The following DTNA variants were observed in gnomAD, a reference collection of about 807,000 sequenced individuals.
DTNA encodes the protein dystrophin-related protein 3.
A neutral mutation model predicts 100.7 loss-of-function variants in DTNA; 43 were observed. That is an observed-to-expected ratio of 0.43 (90% CI 0.33 to 0.55). The LOEUF is 0.55. Ranked by LOEUF, DTNA falls within the 20% of genes least tolerant of loss-of-function variation. DTNA has a pLI of 0.04. For missense variants in DTNA, 798 were observed against 953.9 expected (o/e 0.84, Z 2.15); for synonymous variants, 349 against 347.9 (o/e 1.00, Z -0.04).
intron 1 of DTNA, among the ~76,000 whole-genome samples, chr18:34,740,873 T>C (rs146832548): frequency 1.9e-3 from 285 of 152,126 alleles, no homozygotes; most frequent in African/African-American, 6.4e-3. Context: ...ATTTTGTTCA[T>C]GTGCCACAGT....
At chr18:34,613,052 A>G (rs1298624096) in intron 1 of DTNA, among the ~76,000 whole-genome samples, 1 of 152,108 alleles carries the variant, frequency 6.6e-6, no homozygotes, top group African/African-American at 2.4e-5. Flanking sequence ...TTCCAACAAC[A>G]TGTGCTCACT....
intron 21 of DTNA, among the ~76,000 whole-genome samples, chr18:34,883,911 T>G (rs2096897749): frequency 6.6e-6 from 1 of 152,140 alleles, no homozygotes; most frequent in Non-Finnish European, 1.5e-5. Context: ...AAGAAAAACA[T>G]AAGTGACTCT....
intron 1 of DTNA, among the ~76,000 whole-genome samples, chr18:34,744,195 C>T (rs1328641298): frequency 6.6e-6 from 1 of 152,144 alleles, no homozygotes; most frequent in East Asian, 1.9e-4. Context: ...ATCTCAATGA[C>T]ACATAGTAAA....
intron 15 of DTNA, among the ~76,000 whole-genome samples, chr18:34,854,492 G>A (rs62097230): frequency 6.6e-6 from 1 of 152,160 alleles, no homozygotes. Flanking sequence ...AACAGAAAGA[G>A]CTAAAGAAGA....
intron 22 of DTNA, 118 bp from the exon 23 acceptor site, chr18:34,887,648 T>G: frequency 1.5e-6 from 1 of 687,396 alleles, no homozygotes; most frequent in Non-Finnish European, 1.8e-6. Context: ...TGCATGTGTG[T>G]GTGTGTGTGC....
At chr18:34,709,969 G>A (rs1449253357), upstream of DTNA, among the ~76,000 whole-genome samples, 2 of 152,216 alleles carry the variant, frequency 1.3e-5, no homozygotes, top group African/African-American at 4.8e-5. Flanking sequence ...AAAATATTTA[G>A]TTGGCTGATG....
intron 1 of DTNA, among the ~76,000 whole-genome samples, chr18:34,514,931 A>G (rs1000234567): frequency 2.0e-5 from 3 of 151,974 alleles, no homozygotes; most frequent in Non-Finnish European, 2.9e-5. Context: ...CCATAGCAAG[A>G]TGTGTGTTTT....
chr18:34,722,606 T>TACACACACACACACACACACACACAC (rs71166022), intron 1 of DTNA, among the ~76,000 whole-genome samples: 3 of 147,130 alleles, frequency 2.0e-5, no homozygotes, highest in Non-Finnish European at 4.5e-5. Flanking sequence ...TATATATACA[T>TACACACACACACACACACACACACAC]ACACACACAC....
chr18:34,670,223 A>G (rs1194888368), intron 1 of DTNA, among the ~76,000 whole-genome samples: 1 of 152,190 alleles, frequency 6.6e-6, no homozygotes, highest in African/African-American at 2.4e-5. Flanking sequence ...TTGGCTACTG[A>G]AGCTTGTGCA....
At chr18:34,692,021 C>T (rs551425957) in intron 1 of DTNA, among the ~76,000 whole-genome samples, 21 of 152,328 alleles carry the variant, frequency 1.4e-4, no homozygotes, top group African/African-American at 4.3e-4. Context: ...TTATCAATCA[C>T]AGCACCATAT....
chr18:34,511,226 G>T (rs1260570394), intron 1 of DTNA, among the ~76,000 whole-genome samples: 2 of 152,042 alleles, frequency 1.3e-5, no homozygotes, highest in African/African-American at 4.8e-5. Flanking sequence ...CTTGAACCTG[G>T]AGTCAGACTA....
rs1262521940 is a variant in DTNA at position 34,875,221 on chromosome 18, C to T, written c.1744-18C>T. 2 of 1,612,190 alleles carry T rather than the reference C, an allele frequency of 1.2e-6. No homozygotes were observed. Among genetic ancestry groups the T allele is most frequent in the Non-Finnish European group, 1.7e-6 (2 of 1,178,802 alleles). ...TTTTCTTGGGAAAGCAAATTAATGA[C>T]CTGCATTGTCTCTCCAGACTCAGGG... is the stretch of plus-strand genomic sequence containing the variant. On this transcript the variant is annotated intron_variant, in intron 17 of 22. Transcript: ENST00000444659.
chr18:34,882,216 G>C lies in DTNA; in HGVS notation c.2295+15G>C. 1 of 1,613,312 alleles carries C rather than the reference G, an allele frequency of 6.2e-7. No homozygotes were observed. The highest frequency in any genetic ancestry group is 8.5e-7 in the Non-Finnish European group (1 of 1,179,652). Reference sequence around the variant, plus strand: ...AAGCTTATCAGGTACAGGGATCCAGGCCCACCCCACCCCACCTCTTCTGCC... The same window carrying C: ...AAGCTTATCAGGTACAGGGATCCAGCCCCACCCCACCCCACCTCTTCTGCC... On this transcript the variant is annotated intron_variant, in intron 21 of 22. Coordinates refer to ENST00000444659, the MANE Select transcript of DTNA (RefSeq NM_001386795.1).
chr18:34,653,398 A>T (rs1333334689), intron 1 of DTNA, among the ~76,000 whole-genome samples: 3 of 152,092 alleles, frequency 2.0e-5, no homozygotes, highest in African/African-American at 7.2e-5. Context: ...ATTCATAGTG[A>T]CTACTAGAAT....
At chr18:34,618,891 G>A (rs114053514) in intron 1 of DTNA, among the ~76,000 whole-genome samples, 1,659 of 152,204 alleles carry the variant, frequency 0.011, 12 homozygotes, top group Middle Eastern at 0.037. Context: ...GGAGCTCAAA[G>A]AGTGTAGGGG....
intron 1 of DTNA, among the ~76,000 whole-genome samples, chr18:34,503,079 T>C (rs1555785227): frequency 6.6e-6 from 1 of 152,178 alleles, no homozygotes; most frequent in Non-Finnish European, 1.5e-5. Flanking sequence ...TTCTGTTATA[T>C]TGACTTTATT....
intron 1 of DTNA, among the ~76,000 whole-genome samples, chr18:34,733,591 AC>A (rs1368635949): frequency 6.6e-6 from 1 of 152,184 alleles, no homozygotes; most frequent in African/African-American, 2.4e-5. Context: ...TGCGGTTACC[AC>A]CATTAGATCT....
chr18:34,650,700 G>A (rs370852185), intron 1 of DTNA, among the ~76,000 whole-genome samples: 2 of 152,108 alleles, frequency 1.3e-5, no homozygotes, highest in Admixed American at 6.6e-5. Flanking sequence ...TGGATGTTCT[G>A]TCCTAATATT....
chr18:34,873,982 A>T lies in DTNA; in HGVS notation c.1744-1257A>T, dbSNP rs537933418. Reference sequence around the variant, plus strand: ...GGACCCTCAGCCCATTGGGCACCCCATGGGTTATTTTCTGTGCTCTGTTCT... The same window carrying T: ...GGACCCTCAGCCCATTGGGCACCCCTTGGGTTATTTTCTGTGCTCTGTTCT... On this transcript the variant is annotated intron_variant, in intron 17 of 22. Transcript: ENST00000444659. Among the ~76,000 whole-genome samples the T allele has an allele frequency of 1.5e-4, 23 of 152,262 alleles. No homozygotes were observed. The South Asian group carries it at 4.8e-3, about 32-fold the overall frequency.
Sources: gnomAD v4.1 joint callset for allele counts (sites outside exome capture counted in the v4.1 genomes callset) on GRCh38, gnomAD v4.1.1 for gene constraint, MANE v1.5 for transcripts, NCBI Gene and HGNC (gene_info 2026-07-23, HGNC 2026-07-21) for gene names.